Variants in STS observed in about 807,000 individuals in gnomAD.
STS encodes the protein steryl-sulfatase.
STS carries 7 observed loss-of-function variants against 26.8 expected under a neutral mutation model. The observed-to-expected ratio is 0.26, with a 90% confidence interval of 0.15 to 0.49. The LOEUF is 0.49. Ranked by LOEUF, STS falls within the 20% of genes least tolerant of loss-of-function variation. The probability of loss-of-function intolerance (pLI) is 0.98; values close to 1 mark genes in which losing one functional copy is unlikely to be tolerated. For missense variants in STS, 434 were observed against 465.6 expected (o/e 0.93, Z 0.63); for synonymous variants, 199 against 189.4 (o/e 1.05, Z -0.42).
intron 3 of STS, among the ~76,000 whole-genome samples, chrX:7,254,070 C>A (rs1329641936): frequency 8.9e-6 from 1 of 111,865 alleles, no homozygotes; most frequent in Non-Finnish European, 1.9e-5. Flanking sequence ...ATCCTCATGA[C>A]CTCATCACCT....
chrX:7,337,728 G>A (rs970494239), intron 10 of STS, among the ~76,000 whole-genome samples: 1 of 112,135 alleles, frequency 8.9e-6, no homozygotes, highest in East Asian at 2.8e-4. Flanking sequence ...GCTGTGTTGT[G>A]GGTGTTTACA....
At chrX:7,296,667 G>A (rs762853805) in intron 7 of STS, among the ~76,000 whole-genome samples, 2 of 112,199 alleles carry the variant, frequency 1.8e-5, no homozygotes, top group Non-Finnish European at 1.9e-5. Context: ...CCCCATGAAC[G>A]TGAGAACAAG....
intron 7 of STS, among the ~76,000 whole-genome samples, chrX:7,299,869 C>A (rs1387142551): frequency 2.7e-5 from 3 of 111,554 alleles, no homozygotes; most frequent in Non-Finnish European, 5.6e-5. Flanking sequence ...TCGCTTAAGT[C>A]AGGACCTAGA....
intron 2 of STS, among the ~76,000 whole-genome samples, chrX:7,203,962 T>G (rs1487835901): frequency 9.0e-6 from 1 of 110,939 alleles, no homozygotes; most frequent in Non-Finnish European, 1.9e-5. Flanking sequence ...TTTTTAACTT[T>G]TTTGTAGAGA....
intron 2 of STS, among the ~76,000 whole-genome samples, chrX:7,240,493 ATGTGTG>A (rs374194610): frequency 6.6e-4 from 48 of 72,672 alleles, no homozygotes; most frequent in African/African-American, 1.5e-3. Flanking sequence ...ACAGATATGT[ATGTGTG>A]TGTGTGTGTG....
At chrX:7,287,658 T>A (rs180712756) in intron 7 of STS, among the ~76,000 whole-genome samples, 1,275 of 105,274 alleles carry the variant, frequency 0.012, 64 homozygotes, top group Admixed American at 0.12. Flanking sequence ...GTTCCTTTTT[T>A]AAAATTTTTT....
chrX:7,234,543 G>A (rs1279260118), intron 2 of STS, among the ~76,000 whole-genome samples: 1 of 112,042 alleles, frequency 8.9e-6, no homozygotes, highest in Non-Finnish European at 1.9e-5. Context: ...AGTAGATGTT[G>A]GACAAGGAGG....
At chrX:7,291,368 G>A (rs751646064) in intron 7 of STS, among the ~76,000 whole-genome samples, 6 of 111,693 alleles carry the variant, frequency 5.4e-5, no homozygotes, top group Non-Finnish European at 9.4e-5. Flanking sequence ...AGGAAGGAAA[G>A]TTTCTTTACA....
intron 1 of STS, among the ~76,000 whole-genome samples, chrX:7,175,029 A>G (rs1933539276): frequency 9.0e-6 from 1 of 110,820 alleles, no homozygotes; most frequent in African/African-American, 3.3e-5. Flanking sequence ...AAACCCAGTC[A>G]ATACCTTTGT....
At chrX:7,190,255 T>C (rs1340139106) in intron 1 of STS, among the ~76,000 whole-genome samples, 1 of 109,767 alleles carries the variant, frequency 9.1e-6, no homozygotes, top group Admixed American at 9.9e-5. Context: ...CATTAGATTC[T>C]CATGAGGAGT....
chrX:7,151,798 G>A (rs1418383402), intron 1 of STS, among the ~76,000 whole-genome samples: 2 of 111,192 alleles, frequency 1.8e-5, no homozygotes, highest in African/African-American at 6.6e-5. Flanking sequence ...CACTAGAAAT[G>A]CAGAATCCCA....
chrX:7,194,799 G>A (rs539302764), intron 2 of STS, among the ~76,000 whole-genome samples: 2 of 111,661 alleles, frequency 1.8e-5, no homozygotes, highest in South Asian at 7.5e-4. Flanking sequence ...ACGCATCGCT[G>A]GATGACAGGG....
intron 9 of STS, among the ~76,000 whole-genome samples, chrX:7,328,715 A>G (rs1319114967): frequency 2.7e-5 from 3 of 110,380 alleles, no homozygotes; most frequent in Non-Finnish European, 5.7e-5. Context: ...GTGCACCACC[A>G]TGCTTGGCTA....
At chrX:7,204,407 A>G (rs1934144431) in intron 2 of STS, among the ~76,000 whole-genome samples, 1 of 110,982 alleles carries the variant, frequency 9.0e-6, no homozygotes, top group Non-Finnish European at 1.9e-5. Context: ...TTTCTCATTC[A>G]TCATTTGTCT....
chrX:7,246,026 C>T (rs1172775561), intron 2 of STS, among the ~76,000 whole-genome samples: 4 of 112,412 alleles, frequency 3.6e-5, no homozygotes, highest in Non-Finnish European at 5.6e-5. Flanking sequence ...TTCTCTGTCA[C>T]GGATGTGGGG....
At chrX:7,197,417 T>C (rs1254283671) in intron 2 of STS, among the ~76,000 whole-genome samples, 1 of 110,400 alleles carries the variant, frequency 9.1e-6, no homozygotes, top group Admixed American at 9.7e-5. Flanking sequence ...CAGTACAAAG[T>C]TTATTAAGAA....
At chrX:7,296,866 CACA>C (rs1349561991) in intron 7 of STS, among the ~76,000 whole-genome samples, 1 of 111,728 alleles carries the variant, frequency 9.0e-6, no homozygotes, top group Non-Finnish European at 1.9e-5. Context: ...TGGAGGAAAT[CACA>C]ACATTATCAC....
At chrX:7,273,243 T>C (rs1924373162) in intron 6 of STS, among the ~76,000 whole-genome samples, 1 of 111,453 alleles carries the variant, frequency 9.0e-6, no homozygotes, top group Non-Finnish European at 1.9e-5. Context: ...AGGGTTCCCT[T>C]TTCTGAGCCC....
intron 1 of STS, among the ~76,000 whole-genome samples, chrX:7,172,891 A>T (rs1439792793): frequency 8.9e-6 from 1 of 111,792 alleles, no homozygotes; most frequent in Admixed American, 9.5e-5. Flanking sequence ...CTAAAAACTT[A>T]ATATCTGATC....
Sources: allele counts gnomAD v4.1 joint callset (sites outside exome capture counted in the v4.1 genomes callset), GRCh38; gene constraint gnomAD v4.1.1; transcripts MANE v1.5; gene names NCBI Gene and HGNC (gene_info 2026-07-23, HGNC 2026-07-21).